GRID1: variants seen among roughly 807,000 people sequenced by gnomAD.
GRID1 encodes glutamate ionotropic receptor delta type subunit 1, also known as glutamate receptor ionotropic, delta-1.
GRID1 carries 28 observed loss-of-function variants against 98.0 expected under a neutral mutation model. The observed-to-expected ratio is 0.29, with a 90% CI of 0.21 to 0.39. GRID1 has a LOEUF of 0.39. Ranked by LOEUF, GRID1 falls within the 10% of genes least tolerant of loss-of-function variation. The probability of loss-of-function intolerance (pLI) is 1.00; values close to 1 mark genes in which losing one functional copy is unlikely to be tolerated. For missense variants in GRID1, 1,111 were observed against 1,340.5 expected (o/e 0.83, Z 2.67); for synonymous variants, 553 against 538.5 (o/e 1.03, Z -0.37).
At chr10:86,265,769 T>C (rs1340515109) in intron 2 of GRID1, among the ~76,000 whole-genome samples, 1 of 152,196 alleles carries the variant, frequency 6.6e-6, no homozygotes, top group Non-Finnish European at 1.5e-5. Context: ...TTTACAGCAA[T>C]AAAAGGCTGC....
chr10:85,841,783 C>T (rs1842963481), intron 8 of GRID1, among the ~76,000 whole-genome samples: 1 of 152,084 alleles, frequency 6.6e-6, no homozygotes, highest in Non-Finnish European at 1.5e-5. Flanking sequence ...GAGATACCAT[C>T]TCACACCAAT....
At chr10:85,949,415 T>C (rs1173547118) in intron 4 of GRID1, among the ~76,000 whole-genome samples, 1 of 152,200 alleles carries the variant, frequency 6.6e-6, no homozygotes, top group African/African-American at 2.4e-5. Context: ...CTTTTTGTCA[T>C]AAAACAATAC....
intron 4 of GRID1, among the ~76,000 whole-genome samples, chr10:86,131,861 G>A (rs891863702): frequency 2.6e-5 from 4 of 152,118 alleles, no homozygotes; most frequent in South Asian, 2.1e-4. Context: ...GACAGAAGTC[G>A]GTGCTCCTGG....
intron 4 of GRID1, among the ~76,000 whole-genome samples, chr10:86,009,358 G>C (rs1001460511): frequency 6.6e-6 from 1 of 152,156 alleles, no homozygotes; most frequent in African/African-American, 2.4e-5. Context: ...GCAGAGGCTG[G>C]GGGTTTAGCT....
At position 85,728,684 on chromosome 10, in the gene GRID1, G is replaced by T. The variant is rs370225740; in HGVS notation, c.1336-632C>A. 2.4e-4 allele frequency among the ~76,000 whole-genome samples: 36 copies of T among 152,222 alleles called. No homozygotes were observed. In the East Asian group the frequency reaches 3.5e-3, roughly 15 times the overall value. ...GAGGTGGTCATCTGAAAAATGTCTTGGCACTCCCTACCATTCCCCTTCCTT... is the reference window on the plus strand; with the variant it reads ...GAGGTGGTCATCTGAAAAATGTCTTTGCACTCCCTACCATTCCCCTTCCTT... On this transcript the variant is annotated intron_variant, in intron 9 of 15. Coordinates refer to ENST00000327946, the MANE Select transcript of GRID1 (RefSeq NM_017551.3).
chr10:86,071,467 C>G (rs1160545966), intron 4 of GRID1, among the ~76,000 whole-genome samples: 4 of 152,238 alleles, frequency 2.6e-5, no homozygotes, highest in African/African-American at 7.2e-5. Flanking sequence ...ACAGGTGCAA[C>G]GTGATATAGC....
At chr10:85,929,072 C>T (rs146725336) in intron 4 of GRID1, among the ~76,000 whole-genome samples, 114 of 152,266 alleles carry the variant, frequency 7.5e-4, no homozygotes, top group African/African-American at 2.6e-3. Context: ...TTCGAAAATG[C>T]TATGGGGGCA....
rs563640659 is a variant in GRID1, at chr10:86,195,367, C to T, written c.520+10997G>A. On this transcript the variant is annotated intron_variant, in intron 3 of 15. Transcript: ENST00000327946. This position sits in a 1 kb window ranked among gnomAD's most constrained non-coding sequence, Gnocchi z 4.4. ...GGGGGGCCTGGTCCCTCTGCTTCCTCCCACCCTGTAACCTGTGGCTGCCAG... is the reference window on the plus strand; with the variant it reads ...GGGGGGCCTGGTCCCTCTGCTTCCTTCCACCCTGTAACCTGTGGCTGCCAG... Among the ~76,000 whole-genome samples the T allele has an allele frequency of 2.0e-5, 3 of 152,258 alleles. No homozygotes were observed. The highest frequency in any genetic ancestry group is 4.8e-5 in the African/African-American group (2 of 41,570).
intron 12 of GRID1, among the ~76,000 whole-genome samples, chr10:85,660,596 A>G (rs1366977240): frequency 6.6e-6 from 1 of 151,106 alleles, no homozygotes; most frequent in African/African-American, 2.4e-5. Flanking sequence ...TTTATGCAGG[A>G]CCCTACAGTG....
intron 5 of GRID1, among the ~76,000 whole-genome samples, chr10:85,876,804 G>A (rs1843337135): frequency 6.6e-6 from 1 of 152,234 alleles, no homozygotes; most frequent in African/African-American, 2.4e-5. Context: ...GGAGGGCGAG[G>A]CATTGCCTCA....
At chr10:85,627,543 G>A (rs568003516) in intron 13 of GRID1, among the ~76,000 whole-genome samples, 2 of 152,194 alleles carry the variant, frequency 1.3e-5, no homozygotes, top group African/African-American at 2.4e-5. Context: ...ATCTTTGGGA[G>A]GTGCCATCAT....
chr10:86,243,928 T>G (rs1846678405), intron 2 of GRID1, among the ~76,000 whole-genome samples: 1 of 152,230 alleles, frequency 6.6e-6, no homozygotes, highest in South Asian at 2.1e-4. Context: ...GTGCCACACA[T>G]GTGCACACAA....
chr10:85,701,289 G>T (rs1241421822), intron 12 of GRID1, among the ~76,000 whole-genome samples: 1 of 152,064 alleles, frequency 6.6e-6, no homozygotes, highest in Non-Finnish European at 1.5e-5. Context: ...TCACAGCTCT[G>T]CTGGGTACAG....
At chr10:86,187,370 G>A (rs1845740004) in intron 3 of GRID1, among the ~76,000 whole-genome samples, 1 of 152,206 alleles carries the variant, frequency 6.6e-6, no homozygotes, top group Non-Finnish European at 1.5e-5. Context: ...GAGACATGGA[G>A]ACATTGAGTA....
At chr10:85,930,694 G>C (rs1414856497) in intron 4 of GRID1, among the ~76,000 whole-genome samples, 2 of 152,056 alleles carry the variant, frequency 1.3e-5, no homozygotes, top group African/African-American at 4.8e-5. Context: ...AAGATTCACA[G>C]TGTGTAAGTT....
chr10:85,815,125 T>C (rs1233345957), intron 8 of GRID1, among the ~76,000 whole-genome samples: 1 of 152,018 alleles, frequency 6.6e-6, no homozygotes, highest in Non-Finnish European at 1.5e-5. Context: ...ATTCGCCATA[T>C]GATCACACTG....
chr10:86,139,082 G>T, intron 3 of GRID1, 58 bp from the exon 4 acceptor site: 1 of 1,230,440 alleles, frequency 8.1e-7, no homozygotes, highest in East Asian at 2.3e-5. Flanking sequence ...GAATGCACCC[G>T]GGAGGGTGTC....
At chr10:85,945,583 A>G in intron 4 of GRID1, among the ~76,000 whole-genome samples, 1 of 152,228 alleles carries the variant, frequency 6.6e-6, no homozygotes, top group African/African-American at 2.4e-5. Context: ...ATCTTCCCAG[A>G]TACTTCAAAC....
chr10:86,181,283 G>T (rs149877826), intron 3 of GRID1, among the ~76,000 whole-genome samples: 384 of 152,326 alleles, frequency 2.5e-3, no homozygotes, highest in African/African-American at 8.8e-3. Context: ...GGGCTGCATG[G>T]TCTCCCATCC....
Sources: gnomAD v4.1 joint callset for allele counts (sites outside exome capture counted in the v4.1 genomes callset) on GRCh38, gnomAD v4.1.1 for gene constraint, Gnocchi (gnomAD v3.1) non-coding constraint, MANE v1.5 for transcripts, NCBI Gene and HGNC (gene_info 2026-07-23, HGNC 2026-07-21) for gene names.